KHDRBS3: variants seen among roughly 807,000 people sequenced by gnomAD.
KHDRBS3 encodes the protein KH RNA binding domain containing, signal transduction associated 3, also known as KH domain-containing, RNA-binding, signal transduction-associated protein 3.
In KHDRBS3, 23 loss-of-function variants were observed where a neutral mutation model predicts 45.6. The ratio of observed to expected loss-of-function variants is 0.50; its 90% CI spans 0.36 to 0.72. The LOEUF is 0.72. Among genes scored for constraint, KHDRBS3 ranks in the 30% least tolerant of loss-of-function variants. The probability of loss-of-function intolerance (pLI) is 0.00; values close to 1 mark genes in which losing one functional copy is unlikely to be tolerated. For synonymous variants in KHDRBS3, 162 were observed against 156.5 expected, an observed-to-expected ratio of 1.04 and a Z score of -0.26; for missense variants, 352 against 424.8, an observed-to-expected ratio of 0.83 and a Z score of 1.51.
chr8:135,535,816 G>C (rs79611979), intron 2 of KHDRBS3, among the ~76,000 whole-genome samples: 2 of 152,018 alleles, frequency 1.3e-5, no homozygotes, highest in Non-Finnish European at 2.9e-5. Context: ...TCAAGGCACC[G>C]GCAGGTTTAC....
At chr8:135,605,445 T>G (rs1310939110) in intron 6 of KHDRBS3, among the ~76,000 whole-genome samples, 3 of 152,178 alleles carry the variant, frequency 2.0e-5, no homozygotes. Context: ...TTACTTTAGT[T>G]ATTATACTTC....
At chr8:135,518,318 G>A (rs770871104) in intron 1 of KHDRBS3, among the ~76,000 whole-genome samples, 9 of 151,952 alleles carry the variant, frequency 5.9e-5, no homozygotes, top group Non-Finnish European at 1.0e-4. Context: ...GACTACAGGC[G>A]CCTGCCACCA....
intron 6 of KHDRBS3, among the ~76,000 whole-genome samples, chr8:135,587,239 T>G (rs1202741442): frequency 6.6e-6 from 1 of 152,228 alleles, no homozygotes; most frequent in Non-Finnish European, 1.5e-5. Context: ...GGAGTTACTG[T>G]AACAAAATAT....
At chr8:135,610,959 G>T (rs1316192624) in intron 7 of KHDRBS3, among the ~76,000 whole-genome samples, 1 of 151,934 alleles carries the variant, frequency 6.6e-6, no homozygotes, top group Non-Finnish European at 1.5e-5. Flanking sequence ...TGAATTTAGA[G>T]AAATTAATTA....
chr8:135,515,365 TAAAAAA>T (rs59502823), intron 1 of KHDRBS3, among the ~76,000 whole-genome samples: 410 of 39,668 alleles, frequency 0.01, 9 homozygotes, highest in Admixed American at 0.032. Flanking sequence ...GACTCCGTCT[TAAAAAA>T]AAAAAAAAAA....
At chr8:135,465,667 A>G (rs1393473646) in intron 1 of KHDRBS3, among the ~76,000 whole-genome samples, 1 of 152,224 alleles carries the variant, frequency 6.6e-6, no homozygotes, top group Non-Finnish European at 1.5e-5. Context: ...ACATGTCTGG[A>G]CACCCAGCAG....
chr8:135,645,167 G>GA (rs1301371237), intron 8 of KHDRBS3, 50 bp downstream of exon 8: 28 of 1,575,710 alleles, frequency 1.8e-5, no homozygotes, highest in Non-Finnish European at 2.4e-5. Flanking sequence ...GATGGCCGTA[G>GA]AAAGACCTTA....
downstream of KHDRBS3, chr8:135,648,150 CACTT>C (rs1239064100): frequency 1.3e-5 from 2 of 152,202 alleles, no homozygotes; most frequent in Non-Finnish European, 2.9e-5. Context: ...ATTTTAATCT[CACTT>C]AATTTATCTT....
chr8:135,488,677 A>G (rs1822988510), intron 1 of KHDRBS3, among the ~76,000 whole-genome samples: 1 of 152,214 alleles, frequency 6.6e-6, no homozygotes, highest in South Asian at 2.1e-4. Context: ...TATTCATAGT[A>G]TAGACTTCAT....
chr8:135,462,919 C>A (rs1344756117), intron 1 of KHDRBS3, among the ~76,000 whole-genome samples: 1 of 152,132 alleles, frequency 6.6e-6, no homozygotes, highest in Non-Finnish European at 1.5e-5. Flanking sequence ...AAAACCCTGG[C>A]TTTTTTATGT....
intron 6 of KHDRBS3, among the ~76,000 whole-genome samples, chr8:135,582,913 C>A (rs1828285924): frequency 6.6e-6 from 1 of 152,166 alleles, no homozygotes; most frequent in African/African-American, 2.4e-5. Flanking sequence ...ACCTCTTCAA[C>A]CTCATCTGTG....
chr8:135,510,115 G>T (rs1196612746), intron 1 of KHDRBS3, among the ~76,000 whole-genome samples: 2 of 151,934 alleles, frequency 1.3e-5, no homozygotes, highest in Non-Finnish European at 2.9e-5. Flanking sequence ...GAGTAGCTGG[G>T]ACTACAGGCA....
At chr8:135,640,487 C>G (rs182600893) in intron 7 of KHDRBS3, among the ~76,000 whole-genome samples, 1 of 152,286 alleles carries the variant, frequency 6.6e-6, no homozygotes, top group East Asian at 1.9e-4. Context: ...TGAACTTGGT[C>G]TCAGTGCTAT....
intron 1 of KHDRBS3, among the ~76,000 whole-genome samples, chr8:135,460,241 G>C (rs561417303): frequency 7.6e-4 from 116 of 152,294 alleles, no homozygotes; most frequent in Non-Finnish European, 1.4e-3. Context: ...CATTGGAGTT[G>C]GTATTTCAGC....
At chr8:135,502,609 G>GA (rs1823787421) in intron 1 of KHDRBS3, among the ~76,000 whole-genome samples, 1 of 152,138 alleles carries the variant, frequency 6.6e-6, no homozygotes, top group Admixed American at 6.6e-5. Context: ...TGTTTCTTGA[G>GA]AATAGGGTCG....
At chr8:135,645,781 C>CCAA (rs1466409170) in intron 8 of KHDRBS3, among the ~76,000 whole-genome samples, 1 of 152,118 alleles carries the variant, frequency 6.6e-6, no homozygotes, top group African/African-American at 2.4e-5. Context: ...GAGCCCTTGC[C>CCAA]GCAGGGCAAG....
intron 1 of KHDRBS3, chr8:135,458,180 A>C (rs745557108): frequency 1.9e-4 from 248 of 1,319,046 alleles, no homozygotes; most frequent in Non-Finnish European, 2.3e-4. Context: ...GCTGGGGCGC[A>C]TGGGTGAGAC....
intron 7 of KHDRBS3, among the ~76,000 whole-genome samples, chr8:135,619,701 G>A (rs556402477): frequency 6.6e-6 from 1 of 152,266 alleles, no homozygotes; most frequent in Non-Finnish European, 1.5e-5. Context: ...TAAAACTGTC[G>A]AAGCTAAATA....
At chr8:135,547,158 C>G (rs1251701991) in intron 3 of KHDRBS3, among the ~76,000 whole-genome samples, 1 of 151,890 alleles carries the variant, frequency 6.6e-6, no homozygotes, top group Non-Finnish European at 1.5e-5. Flanking sequence ...GAAGAGTTGG[C>G]GTAAGATAAT....
Sources: gnomAD v4.1 joint callset for allele counts (sites outside exome capture counted in the v4.1 genomes callset) on GRCh38, gnomAD v4.1.1 for gene constraint, MANE v1.5 for transcripts, NCBI Gene and HGNC (gene_info 2026-07-23, HGNC 2026-07-21) for gene names.